The following CDC42BPA variants were observed in gnomAD, a reference collection of about 807,000 sequenced individuals.
CDC42BPA encodes the protein serine/threonine-protein kinase MRCK alpha.
Under a neutral mutation model 223.5 loss-of-function variants are expected in CDC42BPA, and 80 were observed. The observed-to-expected ratio is 0.36, with a 90% CI of 0.30 to 0.43. The LOEUF is 0.43. Ranked by LOEUF, CDC42BPA falls within the 20% of genes least tolerant of loss-of-function variation. The pLI, the probability that CDC42BPA is intolerant of heterozygous loss-of-function variation, is 1.00. For missense variants in CDC42BPA, 1,743 were observed against 2,099.9 expected (o/e 0.83, Z 3.32); for synonymous variants, 694 against 718.6 (o/e 0.97, Z 0.55).
chr1:227,129,227 T>C lies in CDC42BPA; in HGVS notation c.1395A>G (p.Ser465=). 1 of 1,565,342 alleles carries C rather than the reference T, an allele frequency of 6.4e-7. No individual in the cohort carries two copies. The highest frequency in any genetic ancestry group is 8.6e-7 in the Non-Finnish European group (1 of 1,160,934). Residue 465 remains serine (S), a synonymous_variant, in exon 11 of 37, where the codon TCA becomes TCG. Transcript: ENST00000366766. ...ACTGCAGAGCTTGGACAGTCTGTGT[T>C]GACTCTTTAAAAAAAAGGATAAAAG... is the stretch of plus-strand genomic sequence containing the variant. ...KLELSRKLQE[S]TQTVQALQYS...
rs373581147 is a variant in CDC42BPA at position 226,994,288 on chromosome 1, G to A, written c.5245C>T (p.Arg1749Cys). The A allele has an allele frequency of 1.2e-5, 19 of 1,588,450 alleles. No individual in the cohort carries two copies. The highest frequency in any genetic ancestry group is 2.7e-5 in the African/African-American group (2 of 74,480). The change falls in exon 37 of 37, where the codon CGC (arginine) becomes TGC (cysteine). Residue 1749 changes from arginine (R) to cysteine (C), a missense_variant. By Grantham distance (180) the Arg-to-Cys change is radical. Coordinates refer to ENST00000366766, the MANE Select transcript of CDC42BPA (RefSeq NM_001394014.1). This position sits in a 1 kb window ranked among gnomAD's most constrained non-coding sequence, Gnocchi z 4.0. ...GCAGCTCACGGGTCCCAGCTCCCGC[G>A]GTCAGTGCTCTCCAGGGAGAGGCTC... ...TKSLSLESTDRGSWDP is the reference protein window; with the variant it reads ...TKSLSLESTDCGSWDP
intron 1 of CDC42BPA, among the ~76,000 whole-genome samples, chr1:227,297,960 A>ATATATG: frequency 8.9e-6 from 1 of 112,482 alleles, no homozygotes; most frequent in East Asian, 2.6e-4. Flanking sequence ...GTGTGTATAT[A>ATATATG]TACATATACA....
chr1:227,229,716 C>T lies in CDC42BPA; in HGVS notation c.271-16497G>A, dbSNP rs80279682. ...TTGCCTTCATTTAAAGATACTGCTG[C>T]CGGGCATAAAGTCTTAGATTGATGG... is the stretch of plus-strand genomic sequence containing the variant. On this transcript the variant is annotated intron_variant, in intron 2 of 36. Transcript: ENST00000366766. Among the ~76,000 whole-genome samples, 822 of 152,196 alleles carry T rather than the reference C, an allele frequency of 5.4e-3. 33 individuals are homozygous for T. In the East Asian group the frequency reaches 0.098, roughly 18 times the overall value.
Position 227,101,086 on chromosome 1 carries a change from T to C in CDC42BPA, c.2155A>G (p.Lys719Glu). The C allele has an allele frequency of 6.4e-7, 1 of 1,568,840 alleles. No individual in the cohort carries two copies. Among genetic ancestry groups the C allele is most frequent in the South Asian group, 1.1e-5 (1 of 89,936 alleles). The change falls in exon 15 of 37, where the codon AAG becomes GAG. Residue 719 changes from lysine to glutamate, a missense_variant. By Grantham distance (56) the Lys-to-Glu change is moderately conservative. Transcript: ENST00000366766. ...CCTTCTGAATCATGCAGTTCTTTCT[T>C]AAGATTTTTTATTTCATTTGCATGT... ...GIHANEIKNL[K>E]KELHDSEGQQ...
intron 1 of CDC42BPA, among the ~76,000 whole-genome samples, chr1:227,269,830 T>G (rs1685671377): frequency 6.6e-6 from 1 of 152,180 alleles, no homozygotes; most frequent in South Asian, 2.1e-4. Context: ...CTGATAATAC[T>G]CTGTTCCTAG....
In CDC42BPA at chr1:226,994,231, GGGAGC is replaced by G. The variant is rs781297756; in HGVS notation, c.*32_*36del. The stretch of plus-strand genomic sequence containing the variant: ...TGAAAGTGAGAGGAGGCGAGTGGCA[GGGAGC>G]GGAGAGCGAGAGGTCCCAGTGCTGA... On this transcript the variant is annotated 3_prime_UTR_variant, in exon 37 of 37. Coordinates refer to ENST00000366766, the MANE Select transcript of CDC42BPA (RefSeq NM_001394014.1). This position sits in a 1 kb window ranked among gnomAD's most constrained non-coding sequence, Gnocchi z 4.0. The G allele has an allele frequency of 6.5e-7, 1 of 1,547,778 alleles. No individual in the cohort carries two copies. Among genetic ancestry groups the G allele is most frequent in the South Asian group, 1.2e-5 (1 of 84,224 alleles).
chr1:227,230,820 C>CTTT (rs1198828997), intron 2 of CDC42BPA, among the ~76,000 whole-genome samples: 2 of 91,604 alleles, frequency 2.2e-5, no homozygotes, highest in Non-Finnish European at 4.2e-5. Flanking sequence ...TTCTTTCTTT[C>CTTT]TTTTTTTTTT....
chr1:227,057,918 A>G (rs1417906434), intron 21 of CDC42BPA, among the ~76,000 whole-genome samples: 1 of 152,212 alleles, frequency 6.6e-6, no homozygotes, highest in Non-Finnish European at 1.5e-5. Context: ...TAATAAAATG[A>G]GAGAAACAAA....
intron 21 of CDC42BPA, among the ~76,000 whole-genome samples, chr1:227,059,654 A>G (rs1324712391): frequency 6.6e-6 from 1 of 152,228 alleles, no homozygotes; most frequent in Non-Finnish European, 1.5e-5. Context: ...GACCCACAAA[A>G]TAAGCCTTCA....
intron 2 of CDC42BPA, among the ~76,000 whole-genome samples, chr1:227,240,932 T>A (rs188490426): frequency 9.7e-4 from 147 of 152,100 alleles, no homozygotes; most frequent in African/African-American, 3.0e-3. Flanking sequence ...ATAATTTTTT[T>A]AAAAAATGAA....
intron 34 of CDC42BPA, among the ~76,000 whole-genome samples, chr1:227,012,758 A>G (rs972636253): frequency 1.3e-5 from 2 of 152,130 alleles, no homozygotes; most frequent in African/African-American, 4.8e-5. Context: ...ATTTCAATGG[A>G]AAGAACATAT....
At chr1:227,079,257 G>A (rs1021150408) in intron 17 of CDC42BPA, among the ~76,000 whole-genome samples, 1 of 151,902 alleles carries the variant, frequency 6.6e-6, no homozygotes, top group Non-Finnish European at 1.5e-5. Flanking sequence ...TGCATATTTC[G>A]TTTGAATGTG....
intron 9 of CDC42BPA, 22 bp downstream of exon 9, chr1:227,142,923 T>C: frequency 1.3e-6 from 2 of 1,525,304 alleles, no homozygotes; most frequent in Non-Finnish European, 1.8e-6. Flanking sequence ...TGGCCCAAAC[T>C]ATGTTAACTT....
At chr1:227,151,775 CTATT>C (rs533775259) in intron 6 of CDC42BPA, among the ~76,000 whole-genome samples, 127 of 145,932 alleles carry the variant, frequency 8.7e-4, no homozygotes, top group Non-Finnish European at 1.1e-3. Flanking sequence ...GGAGAAATGT[CTATT>C]TAAGTTCCTT....
At chr1:227,016,008 T>C (rs1572259757) in intron 34 of CDC42BPA, 72 bp downstream of exon 34, 2 of 760,184 alleles carry the variant, frequency 2.6e-6, no homozygotes, top group Non-Finnish European at 4.7e-6. Context: ...AGTCTACCCA[T>C]GTATTTAAGC....
chr1:227,020,355 T>C (rs1338746006), intron 32 of CDC42BPA, among the ~76,000 whole-genome samples: 1 of 152,224 alleles, frequency 6.6e-6, no homozygotes, highest in East Asian at 1.9e-4. Context: ...CTAGATGACA[T>C]CTTCTTCCTA....
intron 5 of CDC42BPA, among the ~76,000 whole-genome samples, chr1:227,168,497 G>GT (rs1292387936): frequency 0.098 from 7,901 of 80,234 alleles, 1,153 homozygotes; most frequent in Non-Finnish European, 0.12. Flanking sequence ...CTTCCCTGGT[G>GT]TTTTTTTTTT....
At chr1:227,184,314 T>G (rs925001486) in intron 5 of CDC42BPA, among the ~76,000 whole-genome samples, 1 of 152,220 alleles carries the variant, frequency 6.6e-6, no homozygotes, top group Non-Finnish European at 1.5e-5. Context: ...TTTATAGTTT[T>G]ATGTTGTACA....
intron 5 of CDC42BPA, among the ~76,000 whole-genome samples, chr1:227,166,422 G>C (rs1665044416): frequency 6.6e-6 from 1 of 152,134 alleles, no homozygotes; most frequent in African/African-American, 2.4e-5. Context: ...AGAGAAAATG[G>C]CTTTTCCATC....
Sources: allele counts gnomAD v4.1 joint callset (sites outside exome capture counted in the v4.1 genomes callset), GRCh38; gene constraint gnomAD v4.1.1; non-coding constraint Gnocchi (gnomAD v3.1); transcripts MANE v1.5; gene names NCBI Gene and HGNC (gene_info 2026-07-23, HGNC 2026-07-21).